Variants in PTK2 observed in about 807,000 individuals in gnomAD.
PTK2 encodes protein tyrosine kinase 2.
In PTK2, 45 loss-of-function variants were observed where a neutral mutation model predicts 150.1. The observed-to-expected ratio is 0.30, with a 90% CI of 0.24 to 0.38. The LOEUF (loss-of-function observed/expected upper bound fraction) is 0.38, where lower values mean the gene tolerates loss of function less well. PTK2 is among the 10% of genes least tolerant of loss of function. PTK2 has a pLI of 1.00. For missense variants in PTK2, 919 were observed against 1,307.3 expected (o/e 0.70, Z 4.58); for synonymous variants, 432 against 449.2 (o/e 0.96, Z 0.48).
At chr8:140,903,519 G>GT (rs1408793833) in intron 2 of PTK2, among the ~76,000 whole-genome samples, 2 of 152,136 alleles carry the variant, frequency 1.3e-5, no homozygotes, top group African/African-American at 2.4e-5. Flanking sequence ...ATTTAAAGTA[G>GT]TTTTTTCTAA....
intron 5 of PTK2, among the ~76,000 whole-genome samples, chr8:140,851,983 G>T (rs1172210654): frequency 6.6e-6 from 1 of 152,108 alleles, no homozygotes; most frequent in East Asian, 1.9e-4. Flanking sequence ...ACACATACAT[G>T]TGTGTGCACA....
rs183653886 is a variant in PTK2 at position 140,788,776 on chromosome 8, A to G, written c.1177+698T>C. On this transcript the variant is annotated intron_variant, in intron 14 of 31. Coordinates refer to ENST00000522684, the Ensembl canonical transcript of PTK2. ...AACTATTATTTCAGAAATGTAACATATATGTATGCACATATATAAGAACAA... is the reference window on the plus strand; with the variant it reads ...AACTATTATTTCAGAAATGTAACATGTATGTATGCACATATATAAGAACAA... 2.0e-5 allele frequency among the ~76,000 whole-genome samples: 3 copies of G among 152,346 alleles called. No homozygotes were observed. The East Asian group carries it at 5.8e-4, about 29-fold the overall frequency.
chr8:140,920,768 A>G, intron 2 of PTK2: 1 of 1,393,202 alleles, frequency 7.2e-7, no homozygotes, highest in East Asian at 2.9e-5. Flanking sequence ...TCGGTGCAAA[A>G]GCATGAATTC....
chr8:140,715,043 C>T (rs1365682526), intron 23 of PTK2, among the ~76,000 whole-genome samples: 2 of 149,446 alleles, frequency 1.3e-5, no homozygotes, highest in African/African-American at 4.9e-5. Flanking sequence ...GCATACAGGA[C>T]TTGATTCTGA....
chr8:140,843,194 A>T (rs772991215), intron 7 of PTK2, among the ~76,000 whole-genome samples: 1 of 152,162 alleles, frequency 6.6e-6, no homozygotes, highest in Admixed American at 6.5e-5. Flanking sequence ...TTTCAAACAG[A>T]TCTTGAACTT....
At chr8:140,992,773 G>C (rs767363040) in intron 1 of PTK2, among the ~76,000 whole-genome samples, 33 of 152,204 alleles carry the variant, frequency 2.2e-4, no homozygotes, top group Non-Finnish European at 4.0e-4. Context: ...TTACCTGAGT[G>C]AATGTATTTT....
rs577500892 is a variant in PTK2, at chr8:140,941,809, G to C, written c.-121-16060C>G. ...CAGCCTCGACCCCTCAGGCTCAGGC[G>C]ATCCTCCCACCTCAGTCTCCCAAGT... On this transcript the variant is annotated intron_variant, in intron 1 of 31. Transcript: ENST00000522684. 3.9e-5 allele frequency among the ~76,000 whole-genome samples: 6 copies of C among 152,140 alleles called. No homozygotes were observed. The South Asian group carries it at 8.3e-4, about 21-fold the overall frequency.
chr8:140,917,325 G>A (rs954402070), intron 2 of PTK2, among the ~76,000 whole-genome samples: 3 of 151,240 alleles, frequency 2.0e-5, no homozygotes. Flanking sequence ...CTGGGCGACA[G>A]AGCAAGACTC....
At chr8:140,705,224 T>G (rs2100033012) in intron 24 of PTK2, among the ~76,000 whole-genome samples, 1 of 152,160 alleles carries the variant, frequency 6.6e-6, no homozygotes, top group African/African-American at 2.4e-5. Flanking sequence ...GTACCAATAG[T>G]TAAGATTTTT....
At chr8:140,938,940 C>CA (rs1179472404) in intron 1 of PTK2, among the ~76,000 whole-genome samples, 1 of 151,680 alleles carries the variant, frequency 6.6e-6, no homozygotes, top group Non-Finnish European at 1.5e-5. Flanking sequence ...CCCAAGAGTT[C>CA]AAATCCAGAC....
At chr8:140,964,407 C>A (rs1341266543) in intron 1 of PTK2, among the ~76,000 whole-genome samples, 1 of 151,776 alleles carries the variant, frequency 6.6e-6, no homozygotes, top group Non-Finnish European at 1.5e-5. Context: ...GAGATAGGGT[C>A]TCACTCTGTC....
chr8:140,841,894 AATGGCACC>A (rs1410865415), intron 7 of PTK2, among the ~76,000 whole-genome samples: 1 of 152,092 alleles, frequency 6.6e-6, no homozygotes, highest in Non-Finnish European at 1.5e-5. Context: ...ATGAACAAAA[AATGGCACC>A]ATGCCTTACA....
At chr8:140,806,083 T>C (rs980491502) in intron 10 of PTK2, among the ~76,000 whole-genome samples, 2 of 152,218 alleles carry the variant, frequency 1.3e-5, no homozygotes, top group East Asian at 3.8e-4. Flanking sequence ...GGGTAATTCC[T>C]GCACAATAAA....
At chr8:140,848,251 C>A (rs973716321) in intron 5 of PTK2, among the ~76,000 whole-genome samples, 1 of 152,180 alleles carries the variant, frequency 6.6e-6, no homozygotes, top group Non-Finnish European at 1.5e-5. Flanking sequence ...CTTTAACCTA[C>A]CAGGAATTTA....
intron 26 of PTK2, among the ~76,000 whole-genome samples, chr8:140,696,155 T>C (rs1276446816): frequency 3.3e-5 from 5 of 152,138 alleles, no homozygotes; most frequent in South Asian, 2.1e-4. Flanking sequence ...AACGGTACGA[T>C]GGGAGCTGGG....
intron 2 of PTK2, among the ~76,000 whole-genome samples, chr8:140,896,213 TTTTA>T (rs1274939120): frequency 5.3e-5 from 8 of 152,184 alleles, no homozygotes; most frequent in African/African-American, 1.9e-4. Context: ...CAAAGGAACA[TTTTA>T]TTTCTTTCAA....
At position 140,934,156 on chromosome 8, in the gene PTK2, C is replaced by T. The variant is rs1016350473; in HGVS notation, c.-121-8407G>A. ...AAAAGAAATCATATATCTAATAAAT[C>T]ATTGGTCTAAAATCTTGTTTACAAT... is the stretch of plus-strand genomic sequence containing the variant. On this transcript the variant is annotated intron_variant, in intron 1 of 31. Coordinates refer to ENST00000522684, the Ensembl canonical transcript of PTK2. Among the ~76,000 whole-genome samples the T allele has an allele frequency of 3.9e-5, 6 of 152,176 alleles. 1 individual carries two copies. Among genetic ancestry groups the T allele is most frequent in the Admixed American group, 3.9e-4 (6 of 15,280 alleles).
intron 8 of PTK2, among the ~76,000 whole-genome samples, chr8:140,827,965 G>A (rs917470073): frequency 2.0e-5 from 3 of 152,082 alleles, no homozygotes; most frequent in South Asian, 2.1e-4. Context: ...TCAGGCGTTC[G>A]AGACCAGCCC....
At chr8:140,939,172 T>C (rs1212547266) in intron 1 of PTK2, among the ~76,000 whole-genome samples, 1 of 152,286 alleles carries the variant, frequency 6.6e-6, no homozygotes, top group Admixed American at 6.5e-5. Flanking sequence ...CTTTATCATC[T>C]AATGAATAAA....
Sources: allele counts gnomAD v4.1 joint callset (sites outside exome capture counted in the v4.1 genomes callset), GRCh38; gene constraint gnomAD v4.1.1; transcripts MANE v1.5; gene names NCBI Gene and HGNC (gene_info 2026-07-23, HGNC 2026-07-21).